GABBR2: variants seen among roughly 807,000 people sequenced by gnomAD.
GABBR2 encodes the protein G-protein coupled receptor 51.
Under a neutral mutation model 105.6 loss-of-function variants are expected in GABBR2, and 23 were observed. That is an observed-to-expected ratio of 0.22 (90% CI 0.16 to 0.31). GABBR2 has a LOEUF of 0.31. Ranked by LOEUF, GABBR2 falls within the 10% of genes least tolerant of loss-of-function variation. The pLI, the probability that GABBR2 is intolerant of heterozygous loss-of-function variation, is 1.00. For missense variants in GABBR2, 734 were observed against 1,245.5 expected, an observed-to-expected ratio of 0.59 and a Z score of 6.18; for synonymous variants, 478 against 499.7, an observed-to-expected ratio of 0.96 and a Z score of 0.58.
At chr9:98,465,054 C>T (rs1472112507) in intron 6 of GABBR2, among the ~76,000 whole-genome samples, 1 of 144,062 alleles carries the variant, frequency 6.9e-6, no homozygotes, top group Non-Finnish European at 1.5e-5. Context: ...ACCTTCTCTC[C>T]ACTATTACCC....
At chr9:98,591,477 G>C (rs1159775639) in intron 1 of GABBR2, among the ~76,000 whole-genome samples, 2 of 152,184 alleles carry the variant, frequency 1.3e-5, no homozygotes, top group African/African-American at 4.8e-5. Context: ...AGAGGCACTT[G>C]CTTTACACAG....
At chr9:98,555,902 T>C (rs1673545782) in intron 2 of GABBR2, 2 of 152,340 alleles carry the variant, frequency 1.3e-5, no homozygotes, top group South Asian at 2.1e-4. Flanking sequence ...CTTCCCTTTG[T>C]GGTGAGGCAC....
chr9:98,444,879 G>GCGCACA (rs939018102), intron 7 of GABBR2, among the ~76,000 whole-genome samples: 28 of 150,932 alleles, frequency 1.9e-4, no homozygotes, highest in African/African-American at 3.2e-4. Context: ...GCGCGCGCGC[G>GCGCACA]CACACACACA....
chr9:98,443,465 T>C (rs1359272788), intron 7 of GABBR2, among the ~76,000 whole-genome samples: 6 of 152,214 alleles, frequency 3.9e-5, no homozygotes, highest in African/African-American at 1.2e-4. Context: ...GTGCTGTACA[T>C]TGTCTGCAGT....
intron 1 of GABBR2, among the ~76,000 whole-genome samples, chr9:98,578,492 C>G (rs1828952182): frequency 6.6e-6 from 1 of 151,664 alleles, no homozygotes; most frequent in South Asian, 2.1e-4. Flanking sequence ...GAAACTGGAA[C>G]TGCTGTGCCC....
intron 8 of GABBR2, among the ~76,000 whole-genome samples, chr9:98,404,687 T>G (rs898554766): frequency 3.3e-5 from 5 of 152,118 alleles, no homozygotes; most frequent in Admixed American, 2.0e-4. Flanking sequence ...TCAAGGATGC[T>G]CCTCACATGG....
chr9:98,534,038 CTCTGGAAGAGTAAGCAGCAACTT>C (rs1475662191), intron 3 of GABBR2, among the ~76,000 whole-genome samples: 1 of 152,244 alleles, frequency 6.6e-6, no homozygotes, highest in Non-Finnish European at 1.5e-5. Context: ...CAGGCTACTA[CTCTGGAAGAGTAAGCAGCAACTT>C]TAGAGGAGTT....
intron 8 of GABBR2, among the ~76,000 whole-genome samples, chr9:98,401,254 T>C (rs1832390041): frequency 6.6e-6 from 1 of 152,226 alleles, no homozygotes; most frequent in African/African-American, 2.4e-5. Context: ...TCTTTGCCTA[T>C]CTGTCAATGA....
chr9:98,574,048 A>G (rs567438491), intron 2 of GABBR2, among the ~76,000 whole-genome samples: 1 of 152,330 alleles, frequency 6.6e-6, no homozygotes, highest in South Asian at 2.1e-4. Context: ...AGATCAGGGA[A>G]GGCATCACAG....
intron 1 of GABBR2, among the ~76,000 whole-genome samples, chr9:98,586,557 C>T (rs981715246): frequency 1.3e-5 from 2 of 152,232 alleles, no homozygotes; most frequent in Admixed American, 6.5e-5. Context: ...GCCTTGGCCT[C>T]CCAAAGTGCT....
intron 9 of GABBR2, among the ~76,000 whole-genome samples, chr9:98,389,516 A>G (rs927167327): frequency 1.3e-5 from 2 of 152,226 alleles, no homozygotes; most frequent in African/African-American, 2.4e-5. Context: ...TTCTGCTTCA[A>G]TGTCATTGTG....
At chr9:98,488,956 T>C (rs1245798028) in intron 4 of GABBR2, among the ~76,000 whole-genome samples, 2 of 152,182 alleles carry the variant, frequency 1.3e-5, no homozygotes, top group African/African-American at 4.8e-5. Flanking sequence ...ATGGGGATAA[T>C]AATAGTACCT....
chr9:98,693,124 G>C (rs1830706109), intron 1 of GABBR2, among the ~76,000 whole-genome samples: 2 of 152,292 alleles, frequency 1.3e-5, no homozygotes, highest in East Asian at 3.9e-4. Flanking sequence ...GCCAGGCTTA[G>C]CTGCCACCCT....
chr9:98,563,882 T>C (rs1016494001), intron 2 of GABBR2, among the ~76,000 whole-genome samples: 2 of 152,186 alleles, frequency 1.3e-5, no homozygotes, highest in Admixed American at 6.5e-5. Context: ...ATGTAGACTA[T>C]GCTCTATTTA....
intron 13 of GABBR2, among the ~76,000 whole-genome samples, chr9:98,352,199 G>A (rs1320714381): frequency 6.6e-6 from 1 of 152,260 alleles, no homozygotes; most frequent in Non-Finnish European, 1.5e-5. Context: ...TGGTCCTGGG[G>A]CTGGCCCCTG....
At chr9:98,517,302 C>T (rs1462362803) in intron 3 of GABBR2, among the ~76,000 whole-genome samples, 2 of 152,152 alleles carry the variant, frequency 1.3e-5, no homozygotes, top group East Asian at 1.9e-4. Flanking sequence ...TCTTCCTTCA[C>T]CCAGTCCCAC....
rs922542697 is a variant in GABBR2, at chr9:98,289,560, T to C, written c.*1024A>G. On this transcript the variant is annotated 3_prime_UTR_variant, in exon 19 of 19. Coordinates refer to ENST00000259455, the MANE Select transcript of GABBR2 (RefSeq NM_005458.8). ...CCAAGGGAAGCCCTCAGCCAGCAAC[T>C]CTCTCCCCTATGTCTACGGGGATGT... The C allele has an allele frequency of 1.5e-4, 23 of 151,910 alleles. No homozygotes were observed. The highest frequency in any genetic ancestry group is 5.3e-4 in the African/African-American group (22 of 41,210). The allele number at this position is 151,910 out of a possible 1,614,324, so 9.4% of individuals were successfully genotyped here. A position where few individuals can be genotyped will look rare whatever the true frequency, so the allele number is the denominator to read the frequency against.
intron 1 of GABBR2, among the ~76,000 whole-genome samples, chr9:98,639,586 A>T (rs1401798053): frequency 6.9e-6 from 1 of 144,372 alleles, no homozygotes; most frequent in Admixed American, 7.0e-5. Context: ...CATTGTTCTC[A>T]CACACGCATA....
intron 9 of GABBR2, among the ~76,000 whole-genome samples, chr9:98,392,532 A>G (rs75181764): frequency 0.032 from 4,859 of 152,232 alleles, 146 homozygotes; most frequent in East Asian, 0.15. Flanking sequence ...TCTGGTTCTC[A>G]GAGGCTGACT....
Sources: allele counts gnomAD v4.1 joint callset (sites outside exome capture counted in the v4.1 genomes callset), GRCh38; gene constraint gnomAD v4.1.1; transcripts MANE v1.5; gene names NCBI Gene and HGNC (gene_info 2026-07-23, HGNC 2026-07-21).